Variants in GTF2IRD1 observed in about 807,000 individuals in gnomAD.
The protein encoded by GTF2IRD1 is general transcription factor II-I repeat domain-containing protein 1.
In GTF2IRD1, 26 loss-of-function variants were observed where a neutral mutation model predicts 113.2. That is an observed-to-expected ratio of 0.23 (90% confidence interval 0.17 to 0.32). GTF2IRD1 has a LOEUF of 0.32. Ranked by LOEUF, GTF2IRD1 falls within the 10% of genes least tolerant of loss-of-function variation. GTF2IRD1 has a pLI of 1.00. For synonymous variants in GTF2IRD1, 484 were observed against 529.1 expected (o/e 0.91, Z 1.17); for missense variants, 864 against 1,280.8 (o/e 0.67, Z 4.97).
intron 24 of GTF2IRD1, among the ~76,000 whole-genome samples, chr7:74,594,207 A>G (rs1285263360): frequency 6.6e-6 from 1 of 151,066 alleles, no homozygotes; most frequent in Non-Finnish European, 1.5e-5. Flanking sequence ...TCAAAAAAAA[A>G]AAATTAATTA....
intron 1 of GTF2IRD1, among the ~76,000 whole-genome samples, chr7:74,454,795 C>T (rs1554326751): frequency 6.6e-6 from 1 of 152,112 alleles, no homozygotes; most frequent in Non-Finnish European, 1.5e-5. Context: ...GGGGGGACCA[C>T]AAAGGGTTCA....
chr7:74,594,394 A>T (rs1262793329), intron 24 of GTF2IRD1, among the ~76,000 whole-genome samples: 1 of 151,922 alleles, frequency 6.6e-6, no homozygotes, highest in Admixed American at 6.6e-5. Flanking sequence ...ATAATAATTG[A>T]TAATAATGCT....
chr7:74,589,216 C>T (rs1801906602), intron 22 of GTF2IRD1, among the ~76,000 whole-genome samples: 1 of 152,094 alleles, frequency 6.6e-6, no homozygotes, highest in South Asian at 2.1e-4. Context: ...AAAAATTAGG[C>T]ATGGTGGCAC....
intron 9 of GTF2IRD1, among the ~76,000 whole-genome samples, chr7:74,532,749 G>A (rs1798043923): frequency 6.6e-6 from 1 of 152,146 alleles, no homozygotes; most frequent in South Asian, 2.1e-4. Flanking sequence ...GAAAACAGAA[G>A]TCACCGTCAG....
intron 1 of GTF2IRD1, among the ~76,000 whole-genome samples, chr7:74,470,122 C>T (rs1251879514): frequency 3.3e-5 from 5 of 152,040 alleles, no homozygotes; most frequent in Admixed American, 2.0e-4. Context: ...CTCAGCCTCC[C>T]GAGTAGCTGG....
chr7:74,572,684 C>T, intron 22 of GTF2IRD1: 2 of 243,712 alleles, frequency 8.2e-6, no homozygotes, highest in Non-Finnish European at 1.3e-5. Context: ...TCCCCACCCC[C>T]TCTCTACCCT....
At chr7:74,485,791 T>C (rs1262291997) in intron 1 of GTF2IRD1, among the ~76,000 whole-genome samples, 2 of 151,856 alleles carry the variant, frequency 1.3e-5, no homozygotes, top group African/African-American at 2.4e-5. Flanking sequence ...CCGGGTATGG[T>C]GGCGCAATCA....
At chr7:74,501,220 A>G (rs1796011780) in intron 1 of GTF2IRD1, among the ~76,000 whole-genome samples, 1 of 152,120 alleles carries the variant, frequency 6.6e-6, no homozygotes, top group African/African-American at 2.4e-5. Flanking sequence ...TGGGCAGTGC[A>G]GAGCCGAGCC....
chr7:74,511,871 A>T (rs1051317523), intron 2 of GTF2IRD1, among the ~76,000 whole-genome samples: 3 of 151,538 alleles, frequency 2.0e-5, no homozygotes, highest in African/African-American at 7.3e-5. Flanking sequence ...GGTTGTAGGG[A>T]CCCCCTACAT....
intron 1 of GTF2IRD1, among the ~76,000 whole-genome samples, chr7:74,460,447 A>T (rs1406625914): frequency 8.0e-5 from 12 of 150,180 alleles, no homozygotes; most frequent in Admixed American, 1.3e-4. Context: ...GGGTCTTGCG[A>T]TGTTGCCCAG....
At chr7:74,528,435 T>C (rs147545071) in intron 8 of GTF2IRD1, among the ~76,000 whole-genome samples, 1 of 152,180 alleles carries the variant, frequency 6.6e-6, no homozygotes, top group Non-Finnish European at 1.5e-5. Flanking sequence ...ACTCCTGGGC[T>C]CAAGCATTTC....
chr7:74,508,258 C>A (rs1796412406), intron 2 of GTF2IRD1, 55 bp downstream of exon 2: 1 of 1,569,418 alleles, frequency 6.4e-7, no homozygotes, highest in Non-Finnish European at 8.7e-7. Flanking sequence ...CCCCACCTGC[C>A]TTGTAGCTCA....
At chr7:74,491,065 T>C (rs1795308841) in intron 1 of GTF2IRD1, among the ~76,000 whole-genome samples, 2 of 152,094 alleles carry the variant, frequency 1.3e-5, no homozygotes, top group Admixed American at 1.3e-4. Flanking sequence ...CCCAGCACTT[T>C]GGAAGGCTAA....
At chr7:74,513,725 T>C (rs561781203) in intron 3 of GTF2IRD1, among the ~76,000 whole-genome samples, 3 of 152,078 alleles carry the variant, frequency 2.0e-5, no homozygotes, top group African/African-American at 7.2e-5. Flanking sequence ...AGGGTTAACA[T>C]CTTAGGCCAG....
At chr7:74,519,334 G>C in intron 5 of GTF2IRD1, 75 bp from the exon 6 acceptor site, 3 of 1,028,980 alleles carry the variant, frequency 2.9e-6, no homozygotes. Flanking sequence ...GCAGGGATGC[G>C]GGGTTTTCGG....
At chr7:74,588,839 C>T (rs1801884761) in intron 22 of GTF2IRD1, among the ~76,000 whole-genome samples, 2 of 152,110 alleles carry the variant, frequency 1.3e-5, no homozygotes, top group Non-Finnish European at 2.9e-5. Context: ...GCCTTGAGAG[C>T]CCATTCAAGC....
chr7:74,561,763 C>G lies in GTF2IRD1; in HGVS notation c.2320+2108C>G, dbSNP rs183786667. Among the ~76,000 whole-genome samples, 8 of 152,054 alleles carry G rather than the reference C, an allele frequency of 5.3e-5. No individual in the cohort carries two copies. In the East Asian group the frequency reaches 1.6e-3, roughly 29 times the overall value. On this transcript the variant is annotated intron_variant, in intron 22 of 26. Transcript: ENST00000424337. Reference sequence around the variant, plus strand: ...GCCTTTCACACATATTTTGGGAGGTCCTGCTGGGACAAGGTGGTATTCTAG... The same window carrying G: ...GCCTTTCACACATATTTTGGGAGGTGCTGCTGGGACAAGGTGGTATTCTAG...
chr7:74,568,934 A>T (rs1554361764), intron 22 of GTF2IRD1, among the ~76,000 whole-genome samples: 1 of 152,112 alleles, frequency 6.6e-6, no homozygotes, highest in Non-Finnish European at 1.5e-5. Flanking sequence ...GGAGGAGAAG[A>T]GGTCAAGGTA....
chr7:74,547,312 G>C (rs782458896), intron 17 of GTF2IRD1, 26 bp downstream of exon 17: 1 of 1,562,090 alleles, frequency 6.4e-7, no homozygotes, highest in Non-Finnish European at 8.7e-7. Context: ...GTCCATGGGA[G>C]ACAGCACCGG....
Sources: allele counts gnomAD v4.1 joint callset (sites outside exome capture counted in the v4.1 genomes callset), GRCh38; gene constraint gnomAD v4.1.1; transcripts MANE v1.5; gene names NCBI Gene and HGNC (gene_info 2026-07-23, HGNC 2026-07-21).